Variants in PIGK observed in about 807,000 individuals in gnomAD.
PIGK encodes GPI-anchor transamidase.
In PIGK, 42 loss-of-function variants were observed where a neutral mutation model predicts 50.6. The observed-to-expected ratio is 0.83, with a 90% CI of 0.65 to 1.07. The LOEUF (loss-of-function observed/expected upper bound fraction) is 1.07. PIGK is among the 50% of genes least tolerant of loss of function. The pLI, the probability that PIGK is intolerant of heterozygous loss-of-function variation, is 0.00. For synonymous variants in PIGK, 151 were observed against 156.0 expected, an observed-to-expected ratio of 0.97 and a Z score of 0.24; for missense variants, 448 against 488.7, an observed-to-expected ratio of 0.92 and a Z score of 0.78.
At chr1:77,118,902 T>G (rs1246608244) in intron 10 of PIGK, among the ~76,000 whole-genome samples, 3 of 152,150 alleles carry the variant, frequency 2.0e-5, no homozygotes, top group Admixed American at 2.0e-4. Context: ...GAGATTAACA[T>G]TTGAGTCAGT....
chr1:77,129,031 G>A (rs893988710), intron 9 of PIGK: 7 of 755,950 alleles, frequency 9.3e-6, no homozygotes, highest in Non-Finnish European at 1.7e-5. Context: ...TTACAACTGA[G>A]ACCATATGGC....
At chr1:77,218,087 G>C (rs947356357) in intron 1 of PIGK, among the ~76,000 whole-genome samples, 8 of 152,076 alleles carry the variant, frequency 5.3e-5, no homozygotes, top group Non-Finnish European at 1.0e-4. Flanking sequence ...TTAACTGATA[G>C]GGTGTGTATT....
chr1:77,096,974 A>G lies in PIGK; in HGVS notation c.1072-4484T>C, dbSNP rs564388010. 6.2e-5 allele frequency among the ~76,000 whole-genome samples: 8 copies of G among 129,970 alleles called. No individual in the cohort carries two copies. The East Asian group carries it at 1.8e-3, about 29-fold the overall frequency. The allele number at this position is 129,970 out of a possible 152,430, so 85.3% of individuals were successfully genotyped here. A position where few individuals can be genotyped will look rare whatever the true frequency, so the allele number is the denominator to read the frequency against. ...TTTAAGTTTTAGGGTACATGTGTTT[A>G]TTGCGGCATTATTCACAATAGCAAA... On this transcript the variant is annotated intron_variant, in intron 10 of 10. Transcript: ENST00000370812.
At chr1:77,122,392 G>T in intron 9 of PIGK, 33 bp from the exon 10 acceptor site, 1 of 1,129,218 alleles carries the variant, frequency 8.9e-7, no homozygotes, top group Non-Finnish European at 1.3e-6. Context: ...ACAGAGCTAA[G>T]GCAAATACTA....
intron 2 of PIGK, 32 bp from the exon 3 acceptor site, chr1:77,206,763 T>C (rs920939975): frequency 7.7e-7 from 1 of 1,290,756 alleles, no homozygotes; most frequent in African/African-American, 1.5e-5. Context: ...AGAATTTTTA[T>C]GCATCAAGGC....
At chr1:77,101,004 G>C (rs1399591161) in intron 10 of PIGK, among the ~76,000 whole-genome samples, 2 of 152,110 alleles carry the variant, frequency 1.3e-5, no homozygotes, top group Admixed American at 6.5e-5. Context: ...AGCTATGCCT[G>C]GACTCCTGAC....
chr1:77,122,975 A>C (rs1654138939), intron 9 of PIGK, among the ~76,000 whole-genome samples: 1 of 152,152 alleles, frequency 6.6e-6, no homozygotes, highest in African/African-American at 2.4e-5. Context: ...TATTTATCAA[A>C]AAGACTCAAA....
intron 10 of PIGK, among the ~76,000 whole-genome samples, chr1:77,119,979 G>T (rs568297244): frequency 1.2e-4 from 19 of 152,266 alleles, no homozygotes; most frequent in African/African-American, 4.1e-4. Context: ...TGTCCAGAAA[G>T]ATGATAAAAT....
chr1:77,129,783 AT>A, intron 9 of PIGK: 1 of 517,706 alleles, frequency 1.9e-6, no homozygotes, highest in Non-Finnish European at 3.0e-6. Context: ...CAACCTATAC[AT>A]TAGAATAATT....
rs144872247 is a variant in PIGK, at chr1:77,219,014, C to T, written c.93+296G>A. Among the ~76,000 whole-genome samples, 5 of 152,318 alleles carry T rather than the reference C, an allele frequency of 3.3e-5. No homozygotes were observed. In the East Asian group the frequency reaches 9.7e-4, roughly 29 times the overall value. On this transcript the variant is annotated intron_variant, in intron 1 of 10. Coordinates refer to ENST00000370812, the MANE Select transcript of PIGK (RefSeq NM_005482.3). ...GAGTAGTAGGAAAGCAGTTGCTGCA[C>T]ACTGACATTTCACGAGCCTCTTGCT...
intron 9 of PIGK, chr1:77,154,135 C>T (rs1019240673): frequency 2.4e-6 from 1 of 412,450 alleles, no homozygotes; most frequent in African/African-American, 2.1e-5. Flanking sequence ...GGAGGCCTAA[C>T]AGAAAATTAT....
chr1:77,107,737 G>C (rs1653723118), intron 10 of PIGK, among the ~76,000 whole-genome samples: 2 of 152,102 alleles, frequency 1.3e-5, no homozygotes. Context: ...TCTCTTTGTA[G>C]GTCTCTAACG....
At chr1:77,131,874 T>C (rs989283361) in intron 9 of PIGK, among the ~76,000 whole-genome samples, 11 of 152,068 alleles carry the variant, frequency 7.2e-5, no homozygotes, top group Admixed American at 5.9e-4. Context: ...CTTGTTTTGG[T>C]TTCAGAATTA....
chr1:77,096,893 T>TG (rs1340065755), intron 10 of PIGK, among the ~76,000 whole-genome samples: 12 of 141,482 alleles, frequency 8.5e-5, no homozygotes, highest in African/African-American at 1.4e-4. Context: ...TTTTTTTTTT[T>TG]TTTTGTTTTT....
intron 3 of PIGK, among the ~76,000 whole-genome samples, chr1:77,198,828 C>T (rs1027556823): frequency 3.9e-5 from 6 of 151,956 alleles, no homozygotes; most frequent in African/African-American, 1.4e-4. Context: ...AAACTCACTG[C>T]AATGCCAATG....
chr1:77,143,086 T>C (rs1654686028), intron 9 of PIGK, among the ~76,000 whole-genome samples: 1 of 152,180 alleles, frequency 6.6e-6, no homozygotes, highest in Non-Finnish European at 1.5e-5. Context: ...GTCTTTTCCT[T>C]CTTGTTTTAC....
At chr1:77,157,748 A>T (rs946783485) in intron 8 of PIGK, among the ~76,000 whole-genome samples, 1 of 152,208 alleles carries the variant, frequency 6.6e-6, no homozygotes, top group African/African-American at 2.4e-5. Flanking sequence ...CTTGAATTAC[A>T]GCTCCCATAA....
intron 4 of PIGK, among the ~76,000 whole-genome samples, chr1:77,167,158 T>C (rs4949772): frequency 0.23 from 35,610 of 151,924 alleles, 5,130 homozygotes; most frequent in Non-Finnish European, 0.32. Context: ...CTAAGCAACA[T>C]AGTGAGACCC....
chr1:77,203,351 C>T (rs981403172), intron 3 of PIGK, among the ~76,000 whole-genome samples: 2 of 152,056 alleles, frequency 1.3e-5, no homozygotes, highest in Non-Finnish European at 2.9e-5. Flanking sequence ...GCAGAAAATT[C>T]CCTAAAAATA....
Sources: allele counts gnomAD v4.1 joint callset (sites outside exome capture counted in the v4.1 genomes callset), GRCh38; gene constraint gnomAD v4.1.1; transcripts MANE v1.5; gene names NCBI Gene and HGNC (gene_info 2026-07-23, HGNC 2026-07-21).